ERC2: variants seen among roughly 807,000 people sequenced by gnomAD.
ERC2 encodes ELKS/RAB6-interacting/CAST family member 2, also known as ERC protein 2.
A neutral mutation model predicts 114.8 loss-of-function variants in ERC2; 42 were observed. The ratio of observed to expected loss-of-function variants is 0.37; its 90% CI spans 0.29 to 0.47. The LOEUF is 0.47. Among genes scored for constraint, ERC2 ranks in the 20% least tolerant of loss-of-function variants. The pLI, the probability that ERC2 is intolerant of heterozygous loss-of-function variation, is 0.99. For missense variants in ERC2, 939 were observed against 1,150.7 expected (o/e 0.82, Z 2.66); for synonymous variants, 454 against 425.5 (o/e 1.07, Z -0.82).
intron 3 of ERC2, among the ~76,000 whole-genome samples, chr3:56,245,792 C>T (rs939449042): frequency 6.6e-6 from 1 of 152,006 alleles, no homozygotes; most frequent in African/African-American, 2.4e-5. Flanking sequence ...CCACCCAACT[C>T]GGCCTCCTAA....
At chr3:55,834,614 T>C (rs2060785292) in intron 14 of ERC2, among the ~76,000 whole-genome samples, 2 of 150,592 alleles carry the variant, frequency 1.3e-5, no homozygotes, top group African/African-American at 4.9e-5. Context: ...CAAAGCAGTG[T>C]GTAGAGGGAA....
intron 7 of ERC2, among the ~76,000 whole-genome samples, chr3:56,039,263 T>TA (rs1316043144): frequency 1.3e-4 from 20 of 152,122 alleles, no homozygotes; most frequent in Non-Finnish European, 2.8e-4. Context: ...AAGACTCCAG[T>TA]AAAAAAGTGT....
chr3:55,711,080 C>T (rs958257940), intron 15 of ERC2, among the ~76,000 whole-genome samples: 1 of 152,172 alleles, frequency 6.6e-6, no homozygotes, highest in South Asian at 2.1e-4. Context: ...TTTTGCGTTC[C>T]AAAGTACTAT....
chr3:55,943,368 T>C (rs1363076467), intron 13 of ERC2, among the ~76,000 whole-genome samples: 4 of 152,180 alleles, frequency 2.6e-5, no homozygotes, highest in Non-Finnish European at 5.9e-5. Context: ...GAAGAAGATA[T>C]AGATGCTCCC....
Position 56,028,150 on chromosome 3 carries a change from T to C in ERC2, c.1642-9119A>G, listed in dbSNP as rs182377511. Among the ~76,000 whole-genome samples the C allele has an allele frequency of 3.8e-4, 58 of 152,266 alleles. No homozygotes were observed. The South Asian group carries it at 6.0e-3, about 16-fold the overall frequency. On this transcript the variant is annotated intron_variant, in intron 7 of 17. Transcript: ENST00000288221. ...TATTTCTGGGTCCTAGTCTGTCCCA[T>C]TAATCTATATCTCTATCCTTCAATA...
chr3:55,804,803 G>A (rs1030610525), intron 14 of ERC2, among the ~76,000 whole-genome samples: 1 of 152,044 alleles, frequency 6.6e-6, no homozygotes, highest in Non-Finnish European at 1.5e-5. Context: ...GCTTCAGTCC[G>A]AGTTGGTTTT....
At chr3:56,303,045 C>T (rs765326022) in intron 2 of ERC2, among the ~76,000 whole-genome samples, 5 of 152,318 alleles carry the variant, frequency 3.3e-5, no homozygotes, top group South Asian at 2.1e-4. Context: ...GGTTTTTACT[C>T]GCCACCCTGT....
chr3:56,136,959 A>T (rs1398926171), intron 6 of ERC2, among the ~76,000 whole-genome samples: 2 of 152,070 alleles, frequency 1.3e-5, no homozygotes, highest in Non-Finnish European at 2.9e-5. Flanking sequence ...CAAAGCACCA[A>T]CTCTTTATTT....
intron 3 of ERC2, among the ~76,000 whole-genome samples, chr3:56,255,571 G>A (rs530150190): frequency 6.0e-4 from 92 of 152,266 alleles, no homozygotes; most frequent in African/African-American, 2.0e-3. Flanking sequence ...GGCTCCTCCT[G>A]AGGAATATAC....
chr3:55,937,721 T>C (rs2066537111), intron 13 of ERC2, among the ~76,000 whole-genome samples: 2 of 152,250 alleles, frequency 1.3e-5, no homozygotes, highest in Admixed American at 1.3e-4. Flanking sequence ...AATATAAATG[T>C]CATAAGTAGA....
At chr3:56,032,893 G>GAA (rs2074462549) in intron 7 of ERC2, among the ~76,000 whole-genome samples, 5 of 86,566 alleles carry the variant, frequency 5.8e-5, no homozygotes, top group Middle Eastern at 4.6e-3. Flanking sequence ...GAAAGAGAGA[G>GAA]AGAGAGACAG....
intron 3 of ERC2, among the ~76,000 whole-genome samples, chr3:56,260,135 T>C (rs1433220212): frequency 2.0e-5 from 3 of 152,214 alleles, no homozygotes; most frequent in Non-Finnish European, 2.9e-5. Flanking sequence ...CCAGCCACAC[T>C]GCTCAGTCTT....
chr3:55,906,331 C>T (rs2064439235), intron 13 of ERC2, among the ~76,000 whole-genome samples: 1 of 150,374 alleles, frequency 6.7e-6, no homozygotes, highest in South Asian at 2.1e-4. Context: ...ACTCGGGCGG[C>T]TGAGGCAGGA....
At chr3:56,059,562 T>G (rs531129350) in intron 7 of ERC2, among the ~76,000 whole-genome samples, 7 of 152,334 alleles carry the variant, frequency 4.6e-5, no homozygotes, top group African/African-American at 1.7e-4. Context: ...GCTCAAAGAT[T>G]CTTATTTTAA....
intron 1 of ERC2, among the ~76,000 whole-genome samples, chr3:56,465,523 T>A (rs999292872): frequency 6.6e-6 from 1 of 152,198 alleles, no homozygotes; most frequent in Non-Finnish European, 1.5e-5. Flanking sequence ...AATAAAACCC[T>A]AATCCCTTGG....
intron 6 of ERC2, among the ~76,000 whole-genome samples, chr3:56,082,765 T>C (rs921129835): frequency 1.3e-5 from 2 of 152,106 alleles, no homozygotes; most frequent in African/African-American, 4.8e-5. Flanking sequence ...CCAGGGCCTG[T>C]TAGGAACCAG....
chr3:55,570,844 TG>T (rs2056663841), intron 17 of ERC2, among the ~76,000 whole-genome samples: 1 of 151,994 alleles, frequency 6.6e-6, no homozygotes, highest in South Asian at 2.1e-4. Context: ...TAATGAGAAG[TG>T]GGCCGGGCGC....
chr3:56,081,037 A>G (rs765464245), intron 6 of ERC2, 53 bp from the exon 7 acceptor site: 28 of 1,587,780 alleles, frequency 1.8e-5, no homozygotes, highest in Non-Finnish European at 2.4e-5. Context: ...GGTCATCAAT[A>G]ACCATCAATT....
In ERC2 at chr3:56,331,435, A is replaced by G. The variant is rs1385855810; in HGVS notation, c.658-35000T>C. Among the ~76,000 whole-genome samples the G allele has an allele frequency of 4.6e-5, 7 of 152,112 alleles. No homozygotes were observed. In the East Asian group the frequency reaches 1.3e-3, roughly 29 times the overall value. On this transcript the variant is annotated intron_variant, in intron 2 of 17. Coordinates refer to ENST00000288221, the MANE Select transcript of ERC2 (RefSeq NM_015576.3). ...GAACCCAATCTCTCTCCCCCATTAC[A>G]ATACCCTTATTGCAATAGTCTTGAA...
Sources: gnomAD v4.1 joint callset for allele counts (sites outside exome capture counted in the v4.1 genomes callset) on GRCh38, gnomAD v4.1.1 for gene constraint, MANE v1.5 for transcripts, NCBI Gene and HGNC (gene_info 2026-07-23, HGNC 2026-07-21) for gene names.